The following MBNL1 variants were observed in gnomAD, a reference collection of about 807,000 sequenced individuals.
The protein encoded by MBNL1 is muscleblind like splicing regulator 1.
MBNL1 carries 8 observed loss-of-function variants against 42.2 expected under a neutral mutation model. The observed-to-expected ratio is 0.19, with a 90% confidence interval of 0.11 to 0.34. The LOEUF is 0.34. Ranked by LOEUF, MBNL1 falls within the 10% of genes least tolerant of loss-of-function variation. MBNL1 has a pLI of 1.00. For missense variants in MBNL1, 309 were observed against 495.3 expected, an observed-to-expected ratio of 0.62 and a Z score of 3.57; for synonymous variants, 169 against 173.9, an observed-to-expected ratio of 0.97 and a Z score of 0.22.
intron 1 of MBNL1, among the ~76,000 whole-genome samples, chr3:152,292,005 A>C (rs1313189806): frequency 6.6e-6 from 1 of 152,138 alleles, no homozygotes; most frequent in Non-Finnish European, 1.5e-5. Flanking sequence ...TCAGGCTGGA[A>C]GTGTAATGTT....
intron 2 of MBNL1, among the ~76,000 whole-genome samples, chr3:152,400,300 G>A (rs1346720751): frequency 7.6e-6 from 1 of 131,492 alleles, no homozygotes; most frequent in Non-Finnish European, 1.8e-5. Context: ...TGCCACTTTA[G>A]TTTTATAAAC....
intron 2 of MBNL1, chr3:152,262,628 T>C (rs2036490573): frequency 1.3e-5 from 2 of 152,258 alleles, no homozygotes; most frequent in African/African-American, 4.8e-5. Flanking sequence ...TTTTTTCATA[T>C]TTGTTTTCTA....
intron 2 of MBNL1, among the ~76,000 whole-genome samples, chr3:152,385,973 T>C (rs548576279): frequency 4.6e-4 from 70 of 152,204 alleles, no homozygotes; most frequent in African/African-American, 1.7e-3. Flanking sequence ...TTCAGTGATG[T>C]ACTTGAAATA....
intron 7 of MBNL1, among the ~76,000 whole-genome samples, chr3:152,455,789 T>A (rs1481722963): frequency 6.6e-6 from 1 of 152,226 alleles, no homozygotes; most frequent in Non-Finnish European, 1.5e-5. Context: ...TCACCTTTGG[T>A]GGATTTTGAT....
intron 6 of MBNL1, 100 bp from the exon 7 acceptor site, chr3:152,455,442 T>G (rs1731789653): frequency 1.1e-6 from 1 of 946,674 alleles, no homozygotes; most frequent in Admixed American, 1.8e-5. Context: ...ACAATTTTTC[T>G]TCTTTGTTCA....
chr3:152,457,263 T>C (rs1199911304), intron 8 of MBNL1, among the ~76,000 whole-genome samples: 1 of 152,210 alleles, frequency 6.6e-6, no homozygotes, highest in African/African-American at 2.4e-5. Context: ...TGGGCTTCAA[T>C]AGAGTTGATA....
At chr3:152,309,053 G>A (rs2064871371) in intron 2 of MBNL1, among the ~76,000 whole-genome samples, 1 of 152,098 alleles carries the variant, frequency 6.6e-6, no homozygotes, top group South Asian at 2.1e-4. Context: ...GGTTAGGAGG[G>A]GGAAGTTTCT....
At chr3:152,314,461 C>T (rs1157326454) in intron 2 of MBNL1, among the ~76,000 whole-genome samples, 1 of 151,932 alleles carries the variant, frequency 6.6e-6, no homozygotes, top group Admixed American at 6.6e-5. Context: ...CCGCAGCCTC[C>T]ACCTCCCGGG....
intron 2 of MBNL1, among the ~76,000 whole-genome samples, chr3:152,374,312 T>C (rs13081249): frequency 0.24 from 35,936 of 152,040 alleles, 4,531 homozygotes; most frequent in Middle Eastern, 0.35. Flanking sequence ...TGGAGAAGGG[T>C]CATTTTCATT....
chr3:152,269,155 C>G (rs2038416507), intron 1 of MBNL1, 63 bp downstream of exon 1: 1 of 426,548 alleles, frequency 2.3e-6, no homozygotes, highest in African/African-American at 2.0e-5. Flanking sequence ...GCGGGTCTGC[C>G]CGTGGCTGAA....
chr3:152,398,391 G>A (rs371208052), intron 2 of MBNL1, among the ~76,000 whole-genome samples: 4 of 151,864 alleles, frequency 2.6e-5, no homozygotes, highest in African/African-American at 9.7e-5. Flanking sequence ...GGAGAGGTTA[G>A]GATTCTTTTA....
chr3:152,358,010 C>T (rs73154179), intron 2 of MBNL1, among the ~76,000 whole-genome samples: 2 of 143,544 alleles, frequency 1.4e-5, no homozygotes, highest in African/African-American at 2.6e-5. Flanking sequence ...TGTGTGTGTG[C>T]GCACGCACGT....
At chr3:152,340,989 A>C in intron 2 of MBNL1, 2 of 1,461,998 alleles carry the variant, frequency 1.4e-6, no homozygotes. Flanking sequence ...TAAATTGATG[A>C]GGGGACACAA....
chr3:152,396,107 G>T, intron 2 of MBNL1: 1 of 277,456 alleles, frequency 3.6e-6, no homozygotes, highest in South Asian at 3.5e-5. Flanking sequence ...GATCTAGGTT[G>T]GAGACGCTTT....
At chr3:152,431,008 A>G (rs1240237313) in intron 3 of MBNL1, among the ~76,000 whole-genome samples, 1 of 152,274 alleles carries the variant, frequency 6.6e-6, no homozygotes, top group African/African-American at 2.4e-5. Context: ...GAATCACATT[A>G]GGTATTACAT....
At chr3:152,314,990 G>A (rs894922600) in intron 2 of MBNL1, among the ~76,000 whole-genome samples, 1 of 152,180 alleles carries the variant, frequency 6.6e-6, no homozygotes, top group Non-Finnish European at 1.5e-5. Flanking sequence ...TGCCCATTCT[G>A]TTCTGCTGTG....
intron 1 of MBNL1, among the ~76,000 whole-genome samples, chr3:152,278,395 C>G (rs1397643375): frequency 6.6e-6 from 1 of 152,084 alleles, no homozygotes. Flanking sequence ...GGAGTAGTCT[C>G]TCTGAAGCAT....
intron 2 of MBNL1, among the ~76,000 whole-genome samples, chr3:152,404,344 A>G (rs1004941249): frequency 3.3e-5 from 5 of 152,374 alleles, no homozygotes; most frequent in East Asian, 1.9e-4. Context: ...GTAGACTTCA[A>G]TGGAAGAGTT....
chr3:152,368,943 A>G (rs568332249), intron 2 of MBNL1, among the ~76,000 whole-genome samples: 7 of 152,206 alleles, frequency 4.6e-5, no homozygotes, highest in Non-Finnish European at 1.0e-4. Flanking sequence ...ATATACATTC[A>G]TGTCTTCTGC....
Sources: gnomAD v4.1 joint callset for allele counts (sites outside exome capture counted in the v4.1 genomes callset) on GRCh38, gnomAD v4.1.1 for gene constraint, MANE v1.5 for transcripts, NCBI Gene and HGNC (gene_info 2026-07-23, HGNC 2026-07-21) for gene names.